TPP2: variants seen among roughly 807,000 people sequenced by gnomAD.
TPP2 encodes the protein tripeptidyl peptidase 2.
Under a neutral mutation model 155.9 loss-of-function variants are expected in TPP2, and 34 were observed. The ratio of observed to expected loss-of-function variants is 0.22; its 90% CI spans 0.17 to 0.29. TPP2 has a LOEUF of 0.29. TPP2 is among the 10% of genes least tolerant of loss of function. The pLI is 1.00. For synonymous variants in TPP2, 510 were observed against 529.4 expected (o/e 0.96, Z 0.50); for missense variants, 1,028 against 1,522.3 (o/e 0.68, Z 5.40).
chr13:102,597,012 C>A lies in TPP2; in HGVS notation c.-27C>A, dbSNP rs368983263. ...GTCCGCGCGCAGCCTGGCAGTTTGCCGCTTCCTCGTCCTCCATCCTGCGTC... is the reference window on the plus strand; with the variant it reads ...GTCCGCGCGCAGCCTGGCAGTTTGCAGCTTCCTCGTCCTCCATCCTGCGTC... On this transcript the variant is annotated 5_prime_UTR_variant, in exon 1 of 30. Coordinates refer to ENST00000376052, the MANE Select transcript of TPP2 (RefSeq NM_001330588.2). 1.2e-6 allele frequency: 2 copies of A among 1,606,354 alleles called. No homozygotes were observed. The highest frequency in any genetic ancestry group is 2.2e-5 in the South Asian group (2 of 90,816).
intron 14 of TPP2, 81 bp downstream of exon 14, chr13:102,637,320 A>G: frequency 6.9e-7 from 1 of 1,446,240 alleles, no homozygotes; most frequent in Non-Finnish European, 9.2e-7. Context: ...GTATATTTGC[A>G]ATATATTGCT....
At position 102,623,015 on chromosome 13, in the gene TPP2, C is replaced by A; in HGVS notation, c.759C>A (p.Asn253Lys). Reference sequence around the variant, plus strand: ...CCGTTAATATATACGATGATGGAAACCTGCTCTCCATTGTGACCAGTGGAG... The same window carrying A: ...CCGTTAATATATACGATGATGGAAAACTGCTCTCCATTGTGACCAGTGGAG... ...NYSVNIYDDG[N>K]LLSIVTSGGA... Residue 253 changes from asparagine (N) to lysine (K), a missense_variant, in exon 6 of 30, where the codon AAC becomes AAA. By Grantham distance (94) the Asn-to-Lys change is moderately conservative. Transcript: ENST00000376052. 1 of 1,613,320 alleles carries A rather than the reference C, an allele frequency of 6.2e-7. No individual in the cohort carries two copies. Among genetic ancestry groups the A allele is most frequent in the African/African-American group, 1.3e-5 (1 of 74,960 alleles).
chr13:102,663,358 G>C (rs1427923610), intron 25 of TPP2, among the ~76,000 whole-genome samples: 1 of 152,170 alleles, frequency 6.6e-6, no homozygotes, highest in Non-Finnish European at 1.5e-5. Flanking sequence ...ATGTTGGCCA[G>C]GATGGTCTTG....
chr13:102,611,956 C>T (rs1323376629), intron 2 of TPP2, among the ~76,000 whole-genome samples: 1 of 152,152 alleles, frequency 6.6e-6, no homozygotes, highest in African/African-American at 2.4e-5. Context: ...AAGTCTCTTT[C>T]GTATTCTCTT....
chr13:102,647,482 T>C (rs972816756), intron 21 of TPP2, 138 bp downstream of exon 21: 2 of 1,027,520 alleles, frequency 1.9e-6, no homozygotes, highest in African/African-American at 3.3e-5. Context: ...TTTTGCAAAC[T>C]GTGAGAGCCT....
At position 102,643,271 on chromosome 13, in the gene TPP2, A is replaced by G. The variant is rs1282466011; in HGVS notation, c.2070A>G (p.Leu690=). ...CTGAGGTGTCAGCAAAGTTTGTTCT[A>G]CATGCAGTCCAGCTTGTGAAGCAAA... is the stretch of plus-strand genomic sequence containing the variant. ...CSSEVSAKFV[L]HAVQLVKQRA... Residue 690 remains leucine, a synonymous_variant, in exon 17 of 30, where the codon CTA becomes CTG. Transcript: ENST00000376052. 5.0e-6 allele frequency: 8 copies of G among 1,611,704 alleles called. No individual in the cohort carries two copies. In the African/African-American group the frequency reaches 5.4e-5, roughly 11 times the overall value.
In TPP2 at chr13:102,679,913, ACTGGACTGCTG is replaced by A. The variant is rs1425664839; in HGVS notation, c.*1599_*1609del. The stretch of plus-strand genomic sequence containing the variant: ...AGTAACGTTTGGCCCTTTAACCCAA[ACTGGACTGCTG>A]CCTGTTTTTGTAAATAAAGTTTTAT... On this transcript the variant is annotated 3_prime_UTR_variant, in exon 30 of 30. Transcript: ENST00000376052. 2.0e-5 allele frequency: 3 copies of A among 152,174 alleles called. No homozygotes were observed. The highest frequency in any genetic ancestry group is 7.2e-5 in the African/African-American group (3 of 41,436). The allele number at this position is 152,174 out of a possible 1,614,324, so 9.4% of individuals were successfully genotyped here. A position where few individuals can be genotyped will look rare whatever the true frequency, so the allele number is the denominator to read the frequency against.
intron 1 of TPP2, 139 bp from the exon 2 acceptor site, chr13:102,604,654 T>C: frequency 1.0e-6 from 1 of 987,976 alleles, no homozygotes. Context: ...GTTCAGGCTT[T>C]TGGCTTAAAA....
At chr13:102,647,162 A>G (rs1883164701) in intron 20 of TPP2, 45 bp from the exon 21 acceptor site, 1 of 1,533,812 alleles carries the variant, frequency 6.5e-7, no homozygotes, top group East Asian at 2.3e-5. Flanking sequence ...TGTATCAGAA[A>G]TTATATGCAA....
chr13:102,609,344 C>T (rs924797430), intron 2 of TPP2, among the ~76,000 whole-genome samples: 1 of 147,214 alleles, frequency 6.8e-6, no homozygotes, highest in Non-Finnish European at 1.5e-5. Flanking sequence ...CATGTCTTCT[C>T]ATCATGATAG....
At chr13:102,606,999 C>T (rs1879883964) in intron 2 of TPP2, among the ~76,000 whole-genome samples, 1 of 152,018 alleles carries the variant, frequency 6.6e-6, no homozygotes, top group Admixed American at 6.5e-5. Flanking sequence ...AGGATTAGTA[C>T]CCTTATAAGA....
chr13:102,628,396 G>A (rs1012898822), intron 8 of TPP2, among the ~76,000 whole-genome samples: 2 of 152,088 alleles, frequency 1.3e-5, no homozygotes, highest in African/African-American at 4.8e-5. Flanking sequence ...ATACATACCC[G>A]ACAGACGCCC....
At position 102,627,056 on chromosome 13, in the gene TPP2, C is replaced by A. The variant is rs1279615009; in HGVS notation, c.829C>A (p.Pro277Thr). The A allele has an allele frequency of 5.6e-6, 9 of 1,597,478 alleles. No homozygotes were observed. In the South Asian group the frequency reaches 7.9e-5, roughly 14 times the overall value. ...HVASIAAGHF[P>T]EEPERNGVAP... The stretch of plus-strand genomic sequence containing the variant: ...AGCTAGTATAGCTGCTGGACACTTT[C>A]CAGAAGAACCTGAACGGAATGGGGT... Residue 277 changes from proline to threonine, a missense_variant, in exon 7 of 30, where the codon CCA (proline) becomes ACA (threonine). Around this residue, in one of 7 missense-constraint regions of TPP2, gnomAD observed 300 missense variants for 398.3 expected, o/e 0.75. Coordinates refer to ENST00000376052, the MANE Select transcript of TPP2 (RefSeq NM_001330588.2).
chr13:102,654,224 A>G (rs920367478), intron 24 of TPP2, among the ~76,000 whole-genome samples: 1 of 152,208 alleles, frequency 6.6e-6, no homozygotes, highest in South Asian at 2.1e-4. Flanking sequence ...ATTAGAAATT[A>G]AAACTACCAG....
In TPP2 at chr13:102,625,729, T is replaced by C. The variant is rs142166995; in HGVS notation, c.785-1283T>C. 5.3e-3 allele frequency among the ~76,000 whole-genome samples: 810 copies of C among 152,348 alleles called. 11 individuals are homozygous for C. The highest frequency in any genetic ancestry group is 0.019 in the African/African-American group (775 of 41,576). On this transcript the variant is annotated intron_variant, in intron 6 of 29. Coordinates refer to ENST00000376052, the MANE Select transcript of TPP2 (RefSeq NM_001330588.2). ...GTTTTCTTGCATGACAGCAGCTGGC[T>C]AGAGCAGAGGAGTCTCAGCATTGCT...
intron 15 of TPP2, among the ~76,000 whole-genome samples, chr13:102,639,662 G>T (rs200803940): frequency 1.8e-4 from 7 of 39,494 alleles, no homozygotes; most frequent in African/African-American, 6.0e-4. Flanking sequence ...CCTAATAACA[G>T]GGCCTCATGT....
At chr13:102,643,118 GT>G in intron 16 of TPP2, 103 bp from the exon 17 acceptor site, 1 of 1,065,168 alleles carries the variant, frequency 9.4e-7, no homozygotes, top group South Asian at 2.2e-5. Context: ...TCCCTATTAT[GT>G]CCCTACATGG....
Position 102,679,192 on chromosome 13 carries a change from A to G in TPP2, c.*876A>G, listed in dbSNP as rs1384569655. 1.3e-5 allele frequency: 2 copies of G among 152,712 alleles called. No individual in the cohort carries two copies. The highest frequency in any genetic ancestry group is 6.5e-5 in the Admixed American group (1 of 15,296). 9.5% of individuals were successfully genotyped at this position (152,712 alleles called of 1,614,324 possible). ...TTCTTAAAGTTGGTCTTAATTTTTC[A>G]TAAATAAAATTTGGGGTTATAACAG... On this transcript the variant is annotated 3_prime_UTR_variant, in exon 30 of 30. Transcript: ENST00000376052.
chr13:102,627,843 A>C lies in TPP2; in HGVS notation c.940-5A>C. ...CCTAAACTAGAGTCTTAATCTCTTTAATAGATGATAGAAGTTATAAATCAT... is the reference window on the plus strand; with the variant it reads ...CCTAAACTAGAGTCTTAATCTCTTTCATAGATGATAGAAGTTATAAATCAT... On this transcript the variant is annotated splice_polypyrimidine_tract_variant and splice_region_variant and intron_variant, in intron 7 of 29. Coordinates refer to ENST00000376052, the MANE Select transcript of TPP2 (RefSeq NM_001330588.2). 1 of 1,609,870 alleles carries C rather than the reference A, an allele frequency of 6.2e-7. No individual in the cohort carries two copies. The highest frequency in any genetic ancestry group is 8.5e-7 in the Non-Finnish European group (1 of 1,176,970).
Sources: gnomAD v4.1 joint callset for allele counts (sites outside exome capture counted in the v4.1 genomes callset) on GRCh38, gnomAD v4.1.1 for gene constraint, gnomAD v4.1.1 regional missense constraint, MANE v1.5 for transcripts, NCBI Gene and HGNC (gene_info 2026-07-23, HGNC 2026-07-21) for gene names.